Variants in IL1RAPL1 observed in about 807,000 individuals in gnomAD.
The protein encoded by IL1RAPL1 is interleukin-1 receptor accessory protein-like 1.
IL1RAPL1 carries 3 observed loss-of-function variants against 48.4 expected under a neutral mutation model. The observed-to-expected ratio is 0.06, with a 90% CI of 0.03 to 0.16. The LOEUF (loss-of-function observed/expected upper bound fraction) is 0.16, where lower values mean the gene tolerates loss of function less well. IL1RAPL1 is among the 10% of genes least tolerant of loss of function. The pLI is 1.00. For missense variants in IL1RAPL1, 349 were observed against 530.6 expected, an observed-to-expected ratio of 0.66 and a Z score of 3.36; for synonymous variants, 185 against 187.7, an observed-to-expected ratio of 0.99 and a Z score of 0.12.
At chrX:29,121,345 A>G (rs781071155) in intron 2 of IL1RAPL1, among the ~76,000 whole-genome samples, 3 of 112,410 alleles carry the variant, frequency 2.7e-5, no homozygotes, top group East Asian at 5.6e-4. Flanking sequence ...TGTTAAGTCA[A>G]AAGTGCATTT....
chrX:29,409,826 T>C, intron 5 of IL1RAPL1, among the ~76,000 whole-genome samples: 1 of 99,758 alleles, frequency 1.0e-5, no homozygotes, highest in African/African-American at 3.8e-5. Context: ...AATTCTTTTT[T>C]TTTTTTTTTT....
intron 6 of IL1RAPL1, among the ~76,000 whole-genome samples, chrX:29,848,583 A>G (rs1427387925): frequency 8.9e-6 from 1 of 111,797 alleles, no homozygotes; most frequent in Non-Finnish European, 1.9e-5. Context: ...CAAAGCAACT[A>G]AATAGTTATG....
intron 6 of IL1RAPL1, among the ~76,000 whole-genome samples, chrX:29,837,300 T>TACACAC (rs144007476): frequency 1.8e-5 from 1 of 55,612 alleles, no homozygotes; most frequent in African/African-American, 8.1e-5. Context: ...TATATATATA[T>TACACAC]ACACACACAC....
intron 2 of IL1RAPL1, among the ~76,000 whole-genome samples, chrX:28,925,218 A>G (rs191175783): frequency 7.5e-4 from 84 of 112,247 alleles, no homozygotes; most frequent in African/African-American, 2.6e-3. Flanking sequence ...ATTAATATTT[A>G]AATATTAATT....
chrX:29,613,821 T>G (rs1711498961), intron 5 of IL1RAPL1, among the ~76,000 whole-genome samples: 1 of 97,617 alleles, frequency 1.0e-5, no homozygotes, highest in African/African-American at 3.8e-5. Flanking sequence ...TGGAGTGCAG[T>G]GGCGCAATCT....
chrX:28,907,472 C>G (rs1448604940), intron 2 of IL1RAPL1, among the ~76,000 whole-genome samples: 1 of 111,988 alleles, frequency 8.9e-6, no homozygotes, highest in Admixed American at 9.5e-5. Context: ...CCAGGGCTGT[C>G]TCAAACTCCT....
chrX:29,103,486 A>G (rs1222942438), intron 2 of IL1RAPL1, among the ~76,000 whole-genome samples: 1 of 110,193 alleles, frequency 9.1e-6, no homozygotes, highest in African/African-American at 3.5e-5. Context: ...TGGATTAAAG[A>G]CTTAAGTCTA....
intron 2 of IL1RAPL1, among the ~76,000 whole-genome samples, chrX:29,211,320 TAA>T (rs2147542151): frequency 8.9e-6 from 1 of 112,271 alleles, no homozygotes; most frequent in East Asian, 2.8e-4. Context: ...GCTATTGACA[TAA>T]AGTTTCCTGT....
At chrX:28,896,446 C>T (rs999769882) in intron 2 of IL1RAPL1, among the ~76,000 whole-genome samples, 3 of 111,466 alleles carry the variant, frequency 2.7e-5, no homozygotes, top group Non-Finnish European at 5.7e-5. Context: ...AGAACCTAAA[C>T]GCTAACTGAT....
chrX:28,895,251 C>A (rs947123177), intron 2 of IL1RAPL1, among the ~76,000 whole-genome samples: 6 of 110,354 alleles, frequency 5.4e-5, no homozygotes, highest in Non-Finnish European at 1.1e-4. Context: ...GGTTTTAGGA[C>A]AGGTAAAATG....
rs948185858 is a variant in IL1RAPL1 at position 29,002,429 on chromosome X, G to A, written c.82+213004G>A. ...GATGAGGCAGGAAAGGTGCTTCTAA[G>A]TACTGGTAATATTTCTTGACCTATT... On this transcript the variant is annotated intron_variant, in intron 2 of 10. Coordinates refer to ENST00000378993, the MANE Select transcript of IL1RAPL1 (RefSeq NM_014271.4). Among the ~76,000 whole-genome samples the A allele has an allele frequency of 3.6e-5, 4 of 110,430 alleles. No individual in the cohort carries two copies. The Admixed American group carries it at 3.9e-4, about 11-fold the overall frequency.
At chrX:29,885,540 G>T (rs4829343) in intron 6 of IL1RAPL1, among the ~76,000 whole-genome samples, 1 of 110,629 alleles carries the variant, frequency 9.0e-6, no homozygotes, top group African/African-American at 3.3e-5. Context: ...GACGGGCATG[G>T]TGGCTCATGC....
chrX:29,752,323 C>T (rs1048766294), intron 6 of IL1RAPL1, among the ~76,000 whole-genome samples: 2 of 106,461 alleles, frequency 1.9e-5, no homozygotes, highest in African/African-American at 6.8e-5. Flanking sequence ...TGGTGAAACC[C>T]TGTCTCTACT....
At chrX:29,278,432 T>C (rs1020012549) in intron 2 of IL1RAPL1, among the ~76,000 whole-genome samples, 2 of 111,598 alleles carry the variant, frequency 1.8e-5, no homozygotes, top group Non-Finnish European at 3.8e-5. Context: ...TGTAACTTCA[T>C]GGCTTCCTTC....
intron 6 of IL1RAPL1, among the ~76,000 whole-genome samples, chrX:29,701,498 A>G: frequency 8.9e-6 from 1 of 112,342 alleles, no homozygotes; most frequent in East Asian, 2.8e-4. Flanking sequence ...ATTGTCATAT[A>G]TTCAAGAGAG....
chrX:29,888,228 T>G (rs1294539622), intron 6 of IL1RAPL1, among the ~76,000 whole-genome samples: 1 of 102,362 alleles, frequency 9.8e-6, no homozygotes, highest in Non-Finnish European at 2.0e-5. Flanking sequence ...ACTGAGGAAT[T>G]TTTTTTTTTT....
chrX:28,906,548 A>G (rs1923220643), intron 2 of IL1RAPL1, among the ~76,000 whole-genome samples: 1 of 111,949 alleles, frequency 8.9e-6, no homozygotes, highest in South Asian at 3.7e-4. Flanking sequence ...GTAATTGAGT[A>G]AAATATGGTT....
At chrX:29,531,356 G>C (rs896449313) in intron 5 of IL1RAPL1, among the ~76,000 whole-genome samples, 3 of 111,514 alleles carry the variant, frequency 2.7e-5, no homozygotes, top group African/African-American at 9.8e-5. Context: ...GACACATAAA[G>C]GGAAGAAAAA....
chrX:29,473,817 C>G (rs1323662677), intron 5 of IL1RAPL1, among the ~76,000 whole-genome samples: 1 of 111,320 alleles, frequency 9.0e-6, no homozygotes, highest in Non-Finnish European at 1.9e-5. Flanking sequence ...CTATTTCACC[C>G]TGAATGATTT....
Sources: gnomAD v4.1 joint callset for allele counts (sites outside exome capture counted in the v4.1 genomes callset) on GRCh38, gnomAD v4.1.1 for gene constraint, MANE v1.5 for transcripts, NCBI Gene and HGNC (gene_info 2026-07-23, HGNC 2026-07-21) for gene names.